Variants in EFNA5 observed in about 807,000 individuals in gnomAD.
EFNA5 encodes ephrin A5, also known as ephrin-A5.
A neutral mutation model predicts 22.9 loss-of-function variants in EFNA5; 5 were observed. The observed-to-expected ratio is 0.22, with a 90% CI of 0.11 to 0.46. The LOEUF is 0.46. EFNA5 is among the 20% of genes least tolerant of loss of function. The probability of loss-of-function intolerance (pLI) is 0.99; values close to 1 mark genes in which losing one functional copy is unlikely to be tolerated. For synonymous variants in EFNA5, 113 were observed against 112.2 expected (o/e 1.01, Z -0.04); for missense variants, 237 against 293.3 (o/e 0.81, Z 1.40).
At chr5:107,544,551 T>C (rs1748110668) in intron 1 of EFNA5, among the ~76,000 whole-genome samples, 1 of 152,156 alleles carries the variant, frequency 6.6e-6, no homozygotes, top group African/African-American at 2.4e-5. Context: ...AAGTAGCACT[T>C]GGAAAAAGCA....
chr5:107,468,929 G>C (rs1424347863), intron 1 of EFNA5, among the ~76,000 whole-genome samples: 1 of 152,162 alleles, frequency 6.6e-6, no homozygotes, highest in African/African-American at 2.4e-5. Context: ...GTGTTGATAG[G>C]AGCACAGAAT....
At chr5:107,670,290 G>A (rs1175947818) in intron 1 of EFNA5, among the ~76,000 whole-genome samples, 199 bp downstream of exon 1, 1 of 152,112 alleles carries the variant, frequency 6.6e-6, no homozygotes, top group Non-Finnish European at 1.5e-5. Context: ...AGGGGTACCT[G>A]GCCTTTCCGC....
chr5:107,583,897 T>C (rs909652823), intron 1 of EFNA5, among the ~76,000 whole-genome samples: 2 of 152,108 alleles, frequency 1.3e-5, no homozygotes, highest in African/African-American at 4.8e-5. Flanking sequence ...ATCACAGACA[T>C]AGGCCAAATC....
intron 1 of EFNA5, among the ~76,000 whole-genome samples, chr5:107,554,939 G>T (rs997690670): frequency 6.6e-6 from 1 of 151,992 alleles, no homozygotes; most frequent in Admixed American, 6.6e-5. Flanking sequence ...AGGGAGAGAG[G>T]TTACCATGCT....
rs1580409723 is a variant in EFNA5 at position 107,379,143 on chromosome 5, T to C, written c.*2112A>G. The C allele has an allele frequency of 6.6e-6, 1 of 152,208 alleles. No individual in the cohort carries two copies. The highest frequency in any genetic ancestry group is 1.5e-5 in the Non-Finnish European group (1 of 68,046). 9.4% of individuals were successfully genotyped at this position (152,208 alleles called of 1,614,324 possible). On this transcript the variant is annotated 3_prime_UTR_variant, in exon 5 of 5. Coordinates refer to ENST00000333274, the MANE Select transcript of EFNA5 (RefSeq NM_001962.3). ...TCTGCCACTCCAGAGGAGTTCCTTA[T>C]GTCAGAGGGGAATAGGATTGATTGT...
At chr5:107,386,466 G>A (rs1051430552) in intron 4 of EFNA5, among the ~76,000 whole-genome samples, 6 of 152,278 alleles carry the variant, frequency 3.9e-5, no homozygotes, top group South Asian at 2.1e-4. Flanking sequence ...CATAGTATGC[G>A]ACAGACTAAT....
At chr5:107,443,461 A>T (rs1749312403) in intron 1 of EFNA5, among the ~76,000 whole-genome samples, 1 of 152,232 alleles carries the variant, frequency 6.6e-6, no homozygotes, top group South Asian at 2.1e-4. Context: ...GGAACAGAGT[A>T]TCATTCCCCA....
intron 1 of EFNA5, among the ~76,000 whole-genome samples, chr5:107,477,358 C>T (rs1372237167): frequency 6.6e-6 from 1 of 152,116 alleles, no homozygotes; most frequent in Non-Finnish European, 1.5e-5. Context: ...ATAATATCTG[C>T]AGAAACTCTT....
At position 107,578,923 on chromosome 5, in the gene EFNA5, AGCCTT is replaced by A. The variant is rs749155697; in HGVS notation, c.125+91561_125+91565del. Among the ~76,000 whole-genome samples the A allele has an allele frequency of 9.8e-5, 15 of 152,326 alleles. No individual in the cohort carries two copies. In the South Asian group the frequency reaches 2.5e-3, roughly 25 times the overall value. On this transcript the variant is annotated intron_variant, in intron 1 of 4. Transcript: ENST00000333274. ...ATTTCTTTTAAAATAAATAAAATCCAGCCTTGATCACATTTGTATTTACACCAACA... is the reference window on the plus strand; with the variant it reads ...ATTTCTTTTAAAATAAATAAAATCCAGATCACATTTGTATTTACACCAACA...
chr5:107,427,276 A>T lies in EFNA5; in HGVS notation c.359T>A (p.Leu120His). Residue 120 changes from leucine to histidine, a missense_variant, in exon 2 of 5, where the codon CTC (leucine) becomes CAC (histidine). Coordinates refer to ENST00000333274, the MANE Select transcript of EFNA5 (RefSeq NM_001962.3). ...GPLKFSEKFQ[L>H]FTPFSLGFEF... ...AAATCCTAGAGAAAAGGGAGTGAAGAGCTGGAATTTTTCAGAGAACTTCAG... is the reference window on the plus strand; with the variant it reads ...AAATCCTAGAGAAAAGGGAGTGAAGTGCTGGAATTTTTCAGAGAACTTCAG... 1 of 1,614,130 alleles carries T rather than the reference A, an allele frequency of 6.2e-7. No homozygotes were observed. The highest frequency in any genetic ancestry group is 8.5e-7 in the Non-Finnish European group (1 of 1,180,014).
Position 107,670,584 on chromosome 5 carries a change from C to G in EFNA5, c.30G>C (p.Val10=). Reference sequence around the variant, plus strand: ...ACACACACATCCAGAGCACCAGAAACACCAGCGTCAACATCTCCACGTGCA... The same window carrying G: ...ACACACACATCCAGAGCACCAGAAAGACCAGCGTCAACATCTCCACGTGCA... MLHVEMLTL[V]FLVLWMCVFS... is the part of the protein sequence containing the mutation. The change falls in exon 1 of 5, where the codon GTG becomes GTC. Residue 10 remains valine (V), a synonymous_variant. Transcript: ENST00000333274. The G allele has an allele frequency of 1.2e-6, 2 of 1,603,584 alleles. No individual in the cohort carries two copies. The highest frequency in any genetic ancestry group is 1.7e-6 in the Non-Finnish European group (2 of 1,175,550).
intron 1 of EFNA5, among the ~76,000 whole-genome samples, chr5:107,460,152 C>T (rs1749796842): frequency 6.6e-6 from 1 of 152,112 alleles, no homozygotes; most frequent in Non-Finnish European, 1.5e-5. Flanking sequence ...TTTCTGTGCC[C>T]TCATTTAACA....
chr5:107,514,948 A>C (rs571808113), intron 1 of EFNA5, among the ~76,000 whole-genome samples: 4 of 152,288 alleles, frequency 2.6e-5, no homozygotes, highest in Admixed American at 1.3e-4. Context: ...ATTTTCTAAC[A>C]AAGAGCTGCC....
chr5:107,475,199 T>A (rs965955231), intron 1 of EFNA5, among the ~76,000 whole-genome samples: 1 of 152,256 alleles, frequency 6.6e-6, no homozygotes, highest in African/African-American at 2.4e-5. Flanking sequence ...CTGTAAGTTA[T>A]ACGATATTAA....
intron 2 of EFNA5, among the ~76,000 whole-genome samples, chr5:107,399,898 G>A (rs1748040846): frequency 6.6e-6 from 1 of 152,114 alleles, no homozygotes; most frequent in African/African-American, 2.4e-5. Context: ...TGAGTAACCG[G>A]TCAGACAAGC....
intron 2 of EFNA5, among the ~76,000 whole-genome samples, chr5:107,392,973 T>C (rs1343499048): frequency 6.6e-6 from 1 of 152,244 alleles, no homozygotes; most frequent in Non-Finnish European, 1.5e-5. Context: ...TATTAAAAAG[T>C]GTTTTTCATT....
intron 2 of EFNA5, among the ~76,000 whole-genome samples, chr5:107,411,181 A>C (rs1400165662): frequency 6.6e-6 from 1 of 152,238 alleles, no homozygotes; most frequent in Non-Finnish European, 1.5e-5. Context: ...TTGCACTTAA[A>C]GGATTAACTG....
rs573949693 is a variant in EFNA5, at chr5:107,501,468, T to C, written c.126-73959A>G. Reference sequence around the variant, plus strand: ...ATAAAAGTACAGATATTATAGCTTATGAAATCAGCCCCTCCTTAATCAGTT... The same window carrying C: ...ATAAAAGTACAGATATTATAGCTTACGAAATCAGCCCCTCCTTAATCAGTT... On this transcript the variant is annotated intron_variant, in intron 1 of 4. Transcript: ENST00000333274. Among the ~76,000 whole-genome samples the C allele has an allele frequency of 6.6e-5, 9 of 136,862 alleles. No homozygotes were observed. In the South Asian group the frequency reaches 2.0e-3, roughly 31 times the overall value. The allele number at this position is 136,862 out of a possible 152,430, so 89.8% of individuals were successfully genotyped here.
At chr5:107,425,911 C>G (rs1026251340) in intron 2 of EFNA5, among the ~76,000 whole-genome samples, 8 of 152,098 alleles carry the variant, frequency 5.3e-5, no homozygotes, top group African/African-American at 1.7e-4. Flanking sequence ...GTTTGTCTGG[C>G]AAGCTGGGGT....
Sources: allele counts gnomAD v4.1 joint callset (sites outside exome capture counted in the v4.1 genomes callset), GRCh38; gene constraint gnomAD v4.1.1; transcripts MANE v1.5; gene names NCBI Gene and HGNC (gene_info 2026-07-23, HGNC 2026-07-21).